Variants in MTCL2 observed in about 807,000 individuals in gnomAD.
MTCL2 encodes microtubule cross-linking factor 2.
the MTCL2 span, among the ~76,000 whole-genome samples, chr20:36,846,687 C>A: frequency 6.6e-6 from 1 of 152,192 alleles, no homozygotes; most frequent in African/African-American, 2.4e-5. Context: ...AGCCCTCCAG[C>A]GTCCAAATAG....
chr20:36,785,374 T>C, the MTCL2 span: 2 of 984,136 alleles, frequency 2.0e-6, no homozygotes, highest in Non-Finnish European at 2.4e-6. Flanking sequence ...AATTAAATTA[T>C]TAAAATAAAG....
At chr20:36,850,882 A>G in the MTCL2 span, among the ~76,000 whole-genome samples, 3 of 152,366 alleles carry the variant, frequency 2.0e-5, no homozygotes, top group Admixed American at 1.3e-4. Flanking sequence ...CTCAGCGATG[A>G]AAAGGAAAGA....
chr20:36,783,886 T>C, the MTCL2 span: 2 of 985,160 alleles, frequency 2.0e-6, no homozygotes, highest in Non-Finnish European at 2.4e-6. Context: ...AATATTTACA[T>C]GTAACATTTT....
the MTCL2 span, among the ~76,000 whole-genome samples, chr20:36,841,875 GTGTGTGTGTGT>G: frequency 8.1e-5 from 2 of 24,838 alleles, no homozygotes; most frequent in African/African-American, 6.2e-4. Flanking sequence ...GGGGGGTGGG[GTGTGTGTGTGT>G]GTGTGTGTGT....
the MTCL2 span, among the ~76,000 whole-genome samples, chr20:36,826,993 C>T: frequency 6.6e-6 from 1 of 151,850 alleles, no homozygotes; most frequent in Non-Finnish European, 1.5e-5. Flanking sequence ...CCTAAACAAC[C>T]TCATAGGCTG....
chr20:36,845,706 C>T, the MTCL2 span, among the ~76,000 whole-genome samples: 2 of 152,186 alleles, frequency 1.3e-5, no homozygotes, highest in East Asian at 1.9e-4. Flanking sequence ...ACCCAGAGGG[C>T]AGGCCTTTGT....
At chr20:36,837,042 G>C in the MTCL2 span, among the ~76,000 whole-genome samples, 22 of 152,310 alleles carry the variant, frequency 1.4e-4, no homozygotes, top group African/African-American at 4.8e-4. Context: ...TTCTCCCCAG[G>C]TAAGTGTGTG....
the MTCL2 span, chr20:36,802,825 G>A: frequency 1.3e-6 from 2 of 1,572,190 alleles, no homozygotes; most frequent in Non-Finnish European, 1.7e-6. Context: ...TCCCTTGCGG[G>A]TGGAAGCGGC....
At chr20:36,832,314 A>C in the MTCL2 span, among the ~76,000 whole-genome samples, 1 of 152,002 alleles carries the variant, frequency 6.6e-6, no homozygotes, top group South Asian at 2.1e-4. Context: ...GCTCCTCTCC[A>C]CCTGCGGGGA....
chr20:36,787,470 G>A, the MTCL2 span, among the ~76,000 whole-genome samples: 18 of 152,002 alleles, frequency 1.2e-4, no homozygotes, highest in African/African-American at 3.9e-4. Context: ...TGATCTGCCC[G>A]CCTCGGCCTT....
chr20:36,807,968 TG>T, the MTCL2 span, among the ~76,000 whole-genome samples: 1 of 139,594 alleles, frequency 7.2e-6, no homozygotes, highest in Non-Finnish European at 1.5e-5. Flanking sequence ...CTCCGCCTCC[TG>T]GGTTCACGCC....
the MTCL2 span, among the ~76,000 whole-genome samples, chr20:36,851,040 G>A: frequency 6.6e-6 from 1 of 152,166 alleles, no homozygotes; most frequent in Admixed American, 6.6e-5. Context: ...CCCGGTGGTT[G>A]TCAGGGTCTG....
the MTCL2 span, among the ~76,000 whole-genome samples, chr20:36,830,780 G>A: frequency 6.6e-6 from 1 of 152,192 alleles, no homozygotes; most frequent in African/African-American, 2.4e-5. Flanking sequence ...GGCCCGACAG[G>A]ATAACTGAAC....
chr20:36,793,236 C>T, the MTCL2 span: 1 of 1,546,612 alleles, frequency 6.5e-7, no homozygotes, highest in Admixed American at 2.0e-5. The surrounding 1 kb of genome is among the most constrained non-coding windows in gnomAD (Gnocchi z 6.8). Flanking sequence ...AAGGACAGAT[C>T]CCACCCACCT....
At chr20:36,860,193 G>A in the MTCL2 span, among the ~76,000 whole-genome samples, 1 of 152,042 alleles carries the variant, frequency 6.6e-6, no homozygotes, top group Non-Finnish European at 1.5e-5. Flanking sequence ...TGAACTCAAC[G>A]AGCATTCCAA....
chr20:36,828,079 G>A, the MTCL2 span, among the ~76,000 whole-genome samples: 9 of 152,206 alleles, frequency 5.9e-5, no homozygotes, highest in African/African-American at 1.2e-4. Flanking sequence ...GCTCGCCCTC[G>A]GGGGAGGAAG....
the MTCL2 span, chr20:36,810,114 TAC>T: frequency 6.3e-7 from 1 of 1,590,070 alleles, no homozygotes; most frequent in Admixed American, 1.8e-5. Flanking sequence ...TGATCTGTGG[TAC>T]AGACAGGGGA....
the MTCL2 span, among the ~76,000 whole-genome samples, chr20:36,844,796 G>A: frequency 3.3e-5 from 5 of 152,074 alleles, no homozygotes; most frequent in African/African-American, 4.8e-5. Context: ...CGAGGCGGGC[G>A]GACCATTTGA....
At chr20:36,852,192 C>T in the MTCL2 span, among the ~76,000 whole-genome samples, 1 of 152,216 alleles carries the variant, frequency 6.6e-6, no homozygotes, top group Non-Finnish European at 1.5e-5. Context: ...GAACGGGAGC[C>T]TCCGCCTGGC....
Sources: allele counts gnomAD v4.1 joint callset (sites outside exome capture counted in the v4.1 genomes callset), GRCh38; gene constraint gnomAD v4.1.1; non-coding constraint Gnocchi (gnomAD v3.1); transcripts MANE v1.5; gene names NCBI Gene and HGNC (gene_info 2026-07-23, HGNC 2026-07-21).